The following MCC variants were observed in gnomAD, a reference collection of about 807,000 sequenced individuals.
MCC encodes MCC regulator of Wnt signaling pathway.
Under a neutral mutation model 116.2 loss-of-function variants are expected in MCC, and 90 were observed. That is an observed-to-expected ratio of 0.77 (90% CI 0.65 to 0.92). MCC has a LOEUF of 0.92. Among genes scored for constraint, MCC ranks in the 40% least tolerant of loss-of-function variants. MCC has a pLI of 0.00. For synonymous variants in MCC, 578 were observed against 510.5 expected (o/e 1.13, Z -1.78); for missense variants, 1,516 against 1,312.2 (o/e 1.16, Z -2.40).
intron 5 of MCC, among the ~76,000 whole-genome samples, chr5:113,123,244 G>A (rs1419641654): frequency 1.3e-5 from 2 of 152,240 alleles, no homozygotes; most frequent in Non-Finnish European, 2.9e-5. Context: ...GGCCCACAGG[G>A]GCTTCCTTCT....
intron 3 of MCC, among the ~76,000 whole-genome samples, chr5:113,230,850 T>C (rs1007767742): frequency 1.3e-5 from 2 of 152,192 alleles, no homozygotes; most frequent in African/African-American, 2.4e-5. Flanking sequence ...CTTCAATCAG[T>C]TGAGCTGTAT....
chr5:113,481,959 A>G (rs1259446936), intron 1 of MCC, among the ~76,000 whole-genome samples: 1 of 152,198 alleles, frequency 6.6e-6, no homozygotes, highest in African/African-American at 2.4e-5. Flanking sequence ...AACCTGAGTA[A>G]TCACTAATCC....
At chr5:113,333,476 G>C (rs1418423960) in intron 3 of MCC, among the ~76,000 whole-genome samples, 2 of 151,438 alleles carry the variant, frequency 1.3e-5, no homozygotes, top group Non-Finnish European at 2.9e-5. Context: ...GATTTTATTT[G>C]CACAACTCAT....
chr5:113,395,005 C>T (rs1255334290), intron 1 of MCC, among the ~76,000 whole-genome samples: 5 of 152,172 alleles, frequency 3.3e-5, no homozygotes, highest in African/African-American at 7.2e-5. Flanking sequence ...AAAATATATA[C>T]TATATGACCC....
intron 2 of MCC, among the ~76,000 whole-genome samples, chr5:113,351,968 A>G (rs1303008707): frequency 6.6e-6 from 1 of 152,214 alleles, no homozygotes; most frequent in Non-Finnish European, 1.5e-5. Context: ...GCCAAGCTCT[A>G]TATTAATCAG....
chr5:113,063,823 C>A (rs774018854), intron 14 of MCC, among the ~76,000 whole-genome samples, 161 bp downstream of exon 14: 3 of 152,256 alleles, frequency 2.0e-5, no homozygotes, highest in Admixed American at 1.3e-4. Flanking sequence ...CTGTTCTGAT[C>A]TTCTGACTCC....
At chr5:113,257,651 G>A (rs985451208) in intron 3 of MCC, among the ~76,000 whole-genome samples, 2 of 152,208 alleles carry the variant, frequency 1.3e-5, no homozygotes, top group African/African-American at 2.4e-5. Context: ...AATAAGCTAC[G>A]GATAAGAGGA....
At position 113,401,884 on chromosome 5, in the gene MCC, C is replaced by A. The variant is rs531443631; in HGVS notation, c.171-16672G>T. ...TATTTTTTTGAGACAGGGTCTTCCT[C>A]TGTCACCCAGGTTGGAATGCAGTGG... On this transcript the variant is annotated intron_variant, in intron 1 of 18. Transcript: ENST00000408903. 4.5e-4 allele frequency among the ~76,000 whole-genome samples: 69 copies of A among 152,122 alleles called. 1 individual carries two copies. The South Asian group carries it at 0.013, about 29-fold the overall frequency.
chr5:113,387,093 G>A (rs1455231075), intron 1 of MCC, among the ~76,000 whole-genome samples: 5 of 151,968 alleles, frequency 3.3e-5, no homozygotes, highest in Non-Finnish European at 7.4e-5. Context: ...TTTTGCTTCA[G>A]TCATCATTAG....
intron 4 of MCC, among the ~76,000 whole-genome samples, chr5:113,145,359 T>G (rs1291804572): frequency 6.6e-6 from 1 of 152,222 alleles, no homozygotes; most frequent in Non-Finnish European, 1.5e-5. Flanking sequence ...CCATGTTGCT[T>G]GTTCCTCCTC....
At chr5:113,428,939 C>T (rs778092120) in intron 1 of MCC, among the ~76,000 whole-genome samples, 75 of 152,118 alleles carry the variant, frequency 4.9e-4, no homozygotes, top group Non-Finnish European at 9.3e-4. Context: ...CTTATCCAGC[C>T]GAATTGTTTC....
chr5:113,421,848 C>T (rs573558658), intron 1 of MCC, among the ~76,000 whole-genome samples: 13 of 152,296 alleles, frequency 8.5e-5, no homozygotes, highest in East Asian at 5.8e-4. Context: ...TTGAAATAGT[C>T]AATTTCCTAG....
chr5:113,284,120 G>T (rs1489579834), intron 3 of MCC, among the ~76,000 whole-genome samples: 2 of 152,222 alleles, frequency 1.3e-5, no homozygotes, highest in East Asian at 3.9e-4. Context: ...TAGGCTATCA[G>T]CAATTATGTT....
intron 3 of MCC, among the ~76,000 whole-genome samples, chr5:113,266,478 G>A (rs1274883802): frequency 6.6e-6 from 1 of 152,292 alleles, no homozygotes; most frequent in South Asian, 2.1e-4. Flanking sequence ...ATCTCACATA[G>A]GGCTTTATTT....
At chr5:113,100,589 A>G (rs1337247926) in intron 8 of MCC, among the ~76,000 whole-genome samples, 1 of 145,374 alleles carries the variant, frequency 6.9e-6, no homozygotes, top group Non-Finnish European at 1.5e-5. Context: ...CTCCTGCCTC[A>G]GCCTCTCAAG....
At chr5:113,184,472 G>GTTTTTTTTTTTTTTTTTTTTT (rs200787776) in intron 3 of MCC, among the ~76,000 whole-genome samples, 1 of 123,800 alleles carries the variant, frequency 8.1e-6, no homozygotes. Flanking sequence ...TTCTTTCTTC[G>GTTTTTTTTTTTTTTTTTTTTT]TTTTTTGTTT....
chr5:113,309,847 C>T (rs1295417251), intron 3 of MCC, among the ~76,000 whole-genome samples: 1 of 150,852 alleles, frequency 6.6e-6, no homozygotes, highest in African/African-American at 2.4e-5. Context: ...TCTTTCATTC[C>T]TTCTTCCTCC....
At chr5:113,056,616 A>C (rs1462518198) in intron 14 of MCC, among the ~76,000 whole-genome samples, 3 of 152,332 alleles carry the variant, frequency 2.0e-5, no homozygotes, top group Non-Finnish European at 2.9e-5. Context: ...AAAAATGACT[A>C]ATGCATACGA....
At chr5:113,348,974 A>G (rs1358191808) in intron 2 of MCC, among the ~76,000 whole-genome samples, 1 of 152,006 alleles carries the variant, frequency 6.6e-6, no homozygotes, top group Non-Finnish European at 1.5e-5. Flanking sequence ...ATAAATTCCT[A>G]GACACATACA....
Sources: allele counts gnomAD v4.1 joint callset (sites outside exome capture counted in the v4.1 genomes callset), GRCh38; gene constraint gnomAD v4.1.1; transcripts MANE v1.5; gene names NCBI Gene and HGNC (gene_info 2026-07-23, HGNC 2026-07-21).